GLRA1: variants seen among roughly 807,000 people sequenced by gnomAD.
The protein encoded by GLRA1 is glycine receptor subunit alpha-1.
Under a neutral mutation model 48.3 loss-of-function variants are expected in GLRA1, and 37 were observed. That is an observed-to-expected ratio of 0.77 (90% CI 0.59 to 1.01). The LOEUF (loss-of-function observed/expected upper bound fraction) is 1.01. GLRA1 is among the 50% of genes least tolerant of loss of function. The pLI is 0.00. For synonymous variants in GLRA1, 196 were observed against 210.7 expected (o/e 0.93, Z 0.60); for missense variants, 427 against 571.0 (o/e 0.75, Z 2.57).
At chr5:151,837,349 T>C (rs929535298) in intron 7 of GLRA1, among the ~76,000 whole-genome samples, 1 of 152,186 alleles carries the variant, frequency 6.6e-6, no homozygotes, top group Admixed American at 6.5e-5. Context: ...TAGGAATGCT[T>C]TTACACTGTT....
chr5:151,848,763 G>T, intron 7 of GLRA1: 2 of 281,536 alleles, frequency 7.1e-6, no homozygotes, highest in Non-Finnish European at 1.4e-5. Flanking sequence ...GCTGAGAATG[G>T]GAGAAGAGCG....
intron 8 of GLRA1, among the ~76,000 whole-genome samples, chr5:151,828,049 T>C (rs1176241316): frequency 2.0e-5 from 3 of 152,174 alleles, no homozygotes; most frequent in Non-Finnish European, 4.4e-5. Context: ...GCTTGCGATT[T>C]GGTGGAAGAG....
At chr5:151,847,930 T>C (rs1455059366) in intron 7 of GLRA1, among the ~76,000 whole-genome samples, 1 of 152,172 alleles carries the variant, frequency 6.6e-6, no homozygotes, top group Non-Finnish European at 1.5e-5. Flanking sequence ...GAGCAGAATG[T>C]GTATCTGACA....
chr5:151,851,694 T>A, intron 6 of GLRA1, 90 bp from the exon 7 acceptor site: 1 of 825,912 alleles, frequency 1.2e-6, no homozygotes, highest in Admixed American at 1.8e-5. Flanking sequence ...GAGTCCTGGT[T>A]CAGTCTCACA....
intron 2 of GLRA1, 83 bp downstream of exon 2, chr5:151,892,228 C>A (rs1005499685): frequency 1.6e-6 from 2 of 1,244,012 alleles, no homozygotes; most frequent in African/African-American, 1.5e-5. Context: ...GCGTATTTAC[C>A]ATCTGCGTGC....
rs1363826703 is a variant in GLRA1 at position 151,849,864 on chromosome 5, A to G, written c.912+1526T>C. On this transcript the variant is annotated intron_variant, in intron 7 of 8. Coordinates refer to ENST00000274576, the MANE Select transcript of GLRA1 (RefSeq NM_000171.4). ...CCACCATGCCTAGCCTAGAATTTTG[A>G]TGGCTCTAGTATTTTACAGTCTGAA... 2.1e-6 allele frequency: 3 copies of G among 1,420,090 alleles called. No homozygotes were observed. In the African/African-American group the frequency reaches 4.3e-5, roughly 20 times the overall value. 88.0% of individuals were successfully genotyped at this position (1,420,090 alleles called of 1,614,324 possible). A position where few individuals can be genotyped will look rare whatever the true frequency, so the allele number is the denominator to read the frequency against.
In GLRA1 at chr5:151,924,612, C is replaced by T; in HGVS notation, c.-63G>A. On this transcript the variant is annotated 5_prime_UTR_variant, in exon 1 of 9. It adds an upstream start codon to the 5' untranslated region. Coordinates refer to ENST00000274576, the MANE Select transcript of GLRA1 (RefSeq NM_000171.4). ...GGGGCAAAAATGTTTCAAATTGGCA[C>T]TTACAAAACCAGAAAGCGCTATTGC... The T allele has an allele frequency of 5.0e-6, 5 of 999,044 alleles. No homozygotes were observed. The highest frequency in any genetic ancestry group is 8.1e-6 in the Non-Finnish European group (5 of 618,172). The allele number at this position is 999,044 out of a possible 1,614,324, so 61.9% of individuals were successfully genotyped here.
intron 8 of GLRA1, among the ~76,000 whole-genome samples, chr5:151,823,662 T>G (rs1227571541): frequency 6.6e-6 from 1 of 152,200 alleles, no homozygotes; most frequent in Non-Finnish European, 1.5e-5. Context: ...TTTACTAAGT[T>G]TTCATTCAAG....
At chr5:151,850,195 A>T (rs1041281397) in intron 7 of GLRA1, 9 of 1,603,644 alleles carry the variant, frequency 5.6e-6, no homozygotes, top group Non-Finnish European at 6.0e-6. Flanking sequence ...CATGGCAGGG[A>T]CATCGTGGAG....
At position 151,873,529 on chromosome 5, in the gene GLRA1, G is replaced by A. The variant is rs567037141; in HGVS notation, c.252+13192C>T. Among the ~76,000 whole-genome samples the A allele has an allele frequency of 5.3e-5, 8 of 151,842 alleles. No individual in the cohort carries two copies. In the South Asian group the frequency reaches 8.3e-4, roughly 16 times the overall value. On this transcript the variant is annotated intron_variant, in intron 3 of 8. Transcript: ENST00000274576. ...ACAAAAATTAGCCGGGTGTGGTGGC[G>A]CACACCTGTAATCCCAGCTACTCAG... is the stretch of plus-strand genomic sequence containing the variant.
intron 3 of GLRA1, among the ~76,000 whole-genome samples, chr5:151,877,375 T>C (rs1753651416): frequency 6.6e-6 from 1 of 152,172 alleles, no homozygotes; most frequent in Non-Finnish European, 1.5e-5. Flanking sequence ...CTTATAGGAC[T>C]AAAACAGAAC....
At position 151,885,766 on chromosome 5, in the gene GLRA1, G is replaced by T. The variant is rs562886319; in HGVS notation, c.252+955C>A. 3.3e-5 allele frequency among the ~76,000 whole-genome samples: 5 copies of T among 152,312 alleles called. 1 individual carries two copies. Among genetic ancestry groups the T allele is most frequent in the Admixed American group, 3.3e-4 (5 of 15,298 alleles). Reference sequence around the variant, plus strand: ...TCCTCAGCTTTGCAAAAGAACTTGGGTTTAATGCTGAGGGTGATGGGGAGC... The same window carrying T: ...TCCTCAGCTTTGCAAAAGAACTTGGTTTTAATGCTGAGGGTGATGGGGAGC... On this transcript the variant is annotated intron_variant, in intron 3 of 8. Coordinates refer to ENST00000274576, the MANE Select transcript of GLRA1 (RefSeq NM_000171.4).
chr5:151,909,936 G>T (rs1173820388), intron 1 of GLRA1, among the ~76,000 whole-genome samples: 1 of 151,568 alleles, frequency 6.6e-6, no homozygotes, highest in Admixed American at 6.6e-5. Flanking sequence ...TTATGAAATT[G>T]CACAGTGAAT....
intron 1 of GLRA1, among the ~76,000 whole-genome samples, chr5:151,901,108 A>G (rs1177309593): frequency 1.3e-5 from 2 of 152,220 alleles, no homozygotes; most frequent in East Asian, 3.8e-4. Flanking sequence ...CAGAAAAATA[A>G]GAGAAAAAGT....
chr5:151,865,144 G>T (rs1753299644), intron 3 of GLRA1, among the ~76,000 whole-genome samples: 1 of 152,152 alleles, frequency 6.6e-6, no homozygotes, highest in Admixed American at 6.5e-5. Flanking sequence ...TTAAGTGCCA[G>T]ATACTATTCT....
chr5:151,839,475 T>C (rs1310643092), intron 7 of GLRA1, among the ~76,000 whole-genome samples: 1 of 152,218 alleles, frequency 6.6e-6, no homozygotes, highest in East Asian at 1.9e-4. Flanking sequence ...TGTATGATAA[T>C]AGTGCAAAGG....
At chr5:151,900,142 G>T (rs1460907249) in intron 1 of GLRA1, among the ~76,000 whole-genome samples, 1 of 152,076 alleles carries the variant, frequency 6.6e-6, no homozygotes, top group East Asian at 1.9e-4. Context: ...CCACAAAGTA[G>T]GGCCACCTAG....
chr5:151,917,941 T>C (rs114087796), intron 1 of GLRA1, among the ~76,000 whole-genome samples: 182 of 152,318 alleles, frequency 1.2e-3, no homozygotes, highest in African/African-American at 4.3e-3. Context: ...ATTTCATGGC[T>C]GGGATTAATG....
In GLRA1 at chr5:151,822,647, C is replaced by T. The variant is rs1201819507; in HGVS notation, c.*26G>A. The T allele has an allele frequency of 1.3e-6, 2 of 1,557,562 alleles. No homozygotes were observed. Among genetic ancestry groups the T allele is most frequent in the Non-Finnish European group, 1.8e-6 (2 of 1,128,916 alleles). On this transcript the variant is annotated 3_prime_UTR_variant, in exon 9 of 9. Coordinates refer to ENST00000274576, the MANE Select transcript of GLRA1 (RefSeq NM_000171.4). The stretch of plus-strand genomic sequence containing the variant: ...GTGCTATTCCCACGTTCCCCTCTCC[C>T]AGCCTCCCCCAACCTTTCAGACCCT...
Sources: allele counts gnomAD v4.1 joint callset (sites outside exome capture counted in the v4.1 genomes callset), GRCh38; gene constraint gnomAD v4.1.1; transcripts MANE v1.5; gene names NCBI Gene and HGNC (gene_info 2026-07-23, HGNC 2026-07-21).